The following NWD2 variants were observed in gnomAD, a reference collection of about 807,000 sequenced individuals.
NWD2 encodes the protein NACHT and WD repeat domain-containing protein 2.
Under a neutral mutation model 132.7 loss-of-function variants are expected in NWD2, and 37 were observed. The ratio of observed to expected loss-of-function variants is 0.28; its 90% CI spans 0.21 to 0.37. NWD2 has a LOEUF of 0.37. NWD2 is among the 10% of genes least tolerant of loss of function. The pLI, the probability that NWD2 is intolerant of heterozygous loss-of-function variation, is 1.00. For missense variants in NWD2, 1,592 were observed against 2,122.4 expected (o/e 0.75, Z 4.91); for synonymous variants, 705 against 803.0 (o/e 0.88, Z 2.06).
chr4:37,258,496 T>G (rs1459335317), intron 1 of NWD2, among the ~76,000 whole-genome samples: 1 of 152,214 alleles, frequency 6.6e-6, no homozygotes, highest in African/African-American at 2.4e-5. Flanking sequence ...GTTAATCATT[T>G]ATTTGTTAAT....
intron 1 of NWD2, among the ~76,000 whole-genome samples, chr4:37,277,824 A>C (rs1718052918): frequency 6.6e-6 from 1 of 152,022 alleles, no homozygotes; most frequent in Non-Finnish European, 1.5e-5. Context: ...ACATATTGTA[A>C]TAGTTCTGTA....
chr4:37,328,750 G>A (rs922156001), intron 2 of NWD2, among the ~76,000 whole-genome samples: 1 of 152,052 alleles, frequency 6.6e-6, no homozygotes, highest in Admixed American at 6.6e-5. Context: ...AAACCAGAAC[G>A]CCTCTTCTCC....
intron 1 of NWD2, among the ~76,000 whole-genome samples, chr4:37,260,934 G>A (rs1717624057): frequency 6.6e-6 from 1 of 152,168 alleles, no homozygotes; most frequent in Admixed American, 6.6e-5. Flanking sequence ...AATTCAGACT[G>A]TAGAGTTGGA....
chr4:37,289,721 A>C (rs1011763318), intron 1 of NWD2, among the ~76,000 whole-genome samples: 1 of 152,152 alleles, frequency 6.6e-6, no homozygotes, highest in South Asian at 2.1e-4. Flanking sequence ...TCAGATGCCT[A>C]TGTCAATATA....
intron 1 of NWD2, among the ~76,000 whole-genome samples, chr4:37,247,037 G>A (rs1453263485): frequency 2.0e-5 from 3 of 152,190 alleles, no homozygotes; most frequent in Admixed American, 6.5e-5. Flanking sequence ...CCCTAGGAAA[G>A]CAAACAGGAG....
At chr4:37,366,435 A>G (rs1720100417) in intron 3 of NWD2, among the ~76,000 whole-genome samples, 1 of 152,194 alleles carries the variant, frequency 6.6e-6, no homozygotes, top group Non-Finnish European at 1.5e-5. Flanking sequence ...TCAGAATACC[A>G]TGAAAATTAC....
intron 1 of NWD2, among the ~76,000 whole-genome samples, chr4:37,317,511 C>T (rs567079409): frequency 1.6e-4 from 25 of 152,092 alleles, no homozygotes; most frequent in African/African-American, 3.9e-4. Flanking sequence ...ACTTCTCTGG[C>T]GATGATGTTG....
intron 1 of NWD2, among the ~76,000 whole-genome samples, chr4:37,324,966 G>A (rs1719140895): frequency 6.6e-6 from 1 of 152,192 alleles, no homozygotes; most frequent in African/African-American, 2.4e-5. Flanking sequence ...ATGTTTCATA[G>A]TTATGGCTGG....
intron 3 of NWD2, among the ~76,000 whole-genome samples, chr4:37,357,730 A>G (rs1719899236): frequency 1.3e-5 from 2 of 152,156 alleles, no homozygotes; most frequent in African/African-American, 4.8e-5. Flanking sequence ...AAGTAAGATA[A>G]ACAGTAAGTC....
chr4:37,265,129 TAAAG>T (rs1230776363), intron 1 of NWD2, among the ~76,000 whole-genome samples: 1 of 152,000 alleles, frequency 6.6e-6, no homozygotes, highest in African/African-American at 2.4e-5. Flanking sequence ...TGAAAGAAAA[TAAAG>T]GAATACTTTG....
intron 2 of NWD2, among the ~76,000 whole-genome samples, chr4:37,351,431 T>C (rs1365685077): frequency 2.6e-5 from 4 of 152,230 alleles, no homozygotes; most frequent in Non-Finnish European, 5.9e-5. Flanking sequence ...TCCAGGAATT[T>C]ATCCATTTCT....
intron 6 of NWD2, among the ~76,000 whole-genome samples, chr4:37,440,392 TC>T (rs1181017402): frequency 6.6e-6 from 1 of 152,138 alleles, no homozygotes; most frequent in African/African-American, 2.4e-5. Context: ...TCTGGGCCAG[TC>T]CCAGCCCTGT....
intron 1 of NWD2, among the ~76,000 whole-genome samples, chr4:37,300,209 C>T (rs1295221267): frequency 1.3e-5 from 2 of 152,118 alleles, no homozygotes; most frequent in Non-Finnish European, 2.9e-5. Context: ...TGTTTCAGAC[C>T]TTGCTATGCA....
chr4:37,335,774 C>T (rs1446085662), intron 2 of NWD2, among the ~76,000 whole-genome samples: 1 of 151,046 alleles, frequency 6.6e-6, no homozygotes, highest in East Asian at 1.9e-4. Context: ...AACCATGCCC[C>T]TACCTCTGTG....
At chr4:37,377,127 C>A (rs747803902) in intron 3 of NWD2, among the ~76,000 whole-genome samples, 3 of 152,082 alleles carry the variant, frequency 2.0e-5, no homozygotes, top group Non-Finnish European at 4.4e-5. Flanking sequence ...TTCTTTAGGA[C>A]AGACTCAATT....
At chr4:37,427,329 G>A (rs902435741) in intron 3 of NWD2, among the ~76,000 whole-genome samples, 5 of 152,132 alleles carry the variant, frequency 3.3e-5, no homozygotes, top group Non-Finnish European at 5.9e-5. Context: ...GCAAGATAAT[G>A]GGATAATCAC....
At chr4:37,298,563 G>A (rs527486703) in intron 1 of NWD2, among the ~76,000 whole-genome samples, 9 of 152,178 alleles carry the variant, frequency 5.9e-5, no homozygotes, top group African/African-American at 2.2e-4. Flanking sequence ...TAGGTAGATG[G>A]GTAGGGTAGA....
chr4:37,445,715 G>A lies in NWD2; in HGVS notation c.3727G>A (p.Gly1243Arg), dbSNP rs749591892. ...TATATCTGCCGTGCTGTCTAAAAAT[G>A]GAGATTGTATCATCGCCACCATGGA... ...RFISAVLSKN[G>R]DCIIATMENT... The change falls in exon 7 of 7, where the codon GGA becomes AGA. Residue 1243 changes from glycine (G) to arginine (R), a missense_variant. Coordinates refer to ENST00000309447, the MANE Select transcript of NWD2 (RefSeq NM_001144990.2). This position sits in a 1 kb window ranked among gnomAD's most constrained non-coding sequence, Gnocchi z 4.7. The A allele has an allele frequency of 3.2e-6, 5 of 1,551,892 alleles. No homozygotes were observed. In the South Asian group the frequency reaches 4.8e-5, roughly 15 times the overall value.
At chr4:37,442,752 G>A (rs553443466) in intron 6 of NWD2, among the ~76,000 whole-genome samples, 1 of 151,934 alleles carries the variant, frequency 6.6e-6, no homozygotes, top group African/African-American at 2.4e-5. Flanking sequence ...AGTAATTTCA[G>A]TACTGAATAT....
Sources: gnomAD v4.1 joint callset for allele counts (sites outside exome capture counted in the v4.1 genomes callset) on GRCh38, gnomAD v4.1.1 for gene constraint, Gnocchi (gnomAD v3.1) non-coding constraint, MANE v1.5 for transcripts, NCBI Gene and HGNC (gene_info 2026-07-23, HGNC 2026-07-21) for gene names.